The following GRID2 variants were observed in gnomAD, a reference collection of about 807,000 sequenced individuals.
GRID2 encodes the protein glutamate receptor ionotropic, delta-2.
Under a neutral mutation model 114.8 loss-of-function variants are expected in GRID2, and 33 were observed. The ratio of observed to expected loss-of-function variants is 0.29; its 90% confidence interval spans 0.22 to 0.38. The LOEUF (loss-of-function observed/expected upper bound fraction) is 0.38. Ranked by LOEUF, GRID2 falls within the 10% of genes least tolerant of loss-of-function variation. The pLI, the probability that GRID2 is intolerant of heterozygous loss-of-function variation, is 1.00. For missense variants in GRID2, 1,184 were observed against 1,257.7 expected, an observed-to-expected ratio of 0.94 and a Z score of 0.89; for synonymous variants, 505 against 449.9, an observed-to-expected ratio of 1.12 and a Z score of -1.55.
chr4:93,079,991 T>C (rs1387014568), intron 2 of GRID2, among the ~76,000 whole-genome samples: 1 of 152,158 alleles, frequency 6.6e-6, no homozygotes, highest in African/African-American at 2.4e-5. Flanking sequence ...TAACACTATT[T>C]ACATATTAAG....
intron 11 of GRID2, among the ~76,000 whole-genome samples, chr4:93,485,981 T>G (rs879930828): frequency 2.6e-5 from 4 of 151,732 alleles, no homozygotes; most frequent in South Asian, 2.1e-4. Context: ...GTATTAAGTC[T>G]CTCAATCAAT....
Position 93,490,628 on chromosome 4 carries a change from T to C in GRID2, c.1859-11T>C. 6.2e-7 allele frequency: 1 copy of C among 1,601,742 alleles called. No individual in the cohort carries two copies. Among genetic ancestry groups the C allele is most frequent in the Non-Finnish European group, 8.5e-7 (1 of 1,170,664 alleles). The stretch of plus-strand genomic sequence containing the variant: ...TTGATGTTCTTTTTATCTCTTTGCT[T>C]CTTTCTACAGGCGGGGAAGTCCCGT... On this transcript the variant is annotated splice_polypyrimidine_tract_variant and intron_variant, in intron 11 of 15. Transcript: ENST00000282020.
chr4:92,968,275 T>C (rs1424132438), intron 2 of GRID2, among the ~76,000 whole-genome samples: 1 of 151,894 alleles, frequency 6.6e-6, no homozygotes, highest in Non-Finnish European at 1.5e-5. Context: ...AAGTTATTAA[T>C]TTTATTAATT....
intron 1 of GRID2, among the ~76,000 whole-genome samples, chr4:92,330,552 G>A (rs963471381): frequency 3.9e-5 from 6 of 152,188 alleles, no homozygotes; most frequent in Non-Finnish European, 5.9e-5. Context: ...CAAGAAAGAA[G>A]AATGCTTAGA....
chr4:93,792,904 C>T (rs1364751882), intron 1 of GRID2, among the ~76,000 whole-genome samples: 1 of 152,198 alleles, frequency 6.6e-6, no homozygotes, highest in Admixed American at 6.5e-5. Context: ...CCTTTACCCA[C>T]TGCCACATCC....
intron 2 of GRID2, among the ~76,000 whole-genome samples, chr4:92,954,926 C>T (rs1437913574): frequency 7.4e-6 from 1 of 134,278 alleles, no homozygotes; most frequent in Non-Finnish European, 1.6e-5. Flanking sequence ...TCATCCATGT[C>T]CCTACAAAGG....
At chr4:93,327,201 A>G (rs4308339) in intron 8 of GRID2, among the ~76,000 whole-genome samples, 49,350 of 151,958 alleles carry the variant, frequency 0.32, 9,141 homozygotes, top group African/African-American at 0.51. Context: ...TTCAAGTTAG[A>G]CCTTTCCCTT....
intron 2 of GRID2, among the ~76,000 whole-genome samples, chr4:92,775,357 A>G (rs1209631602): frequency 6.6e-6 from 1 of 152,126 alleles, no homozygotes; most frequent in African/African-American, 2.4e-5. Context: ...AAAACAGCTG[A>G]CAAAAACAAA....
intron 4 of GRID2, among the ~76,000 whole-genome samples, chr4:93,172,867 G>T (rs1320213296): frequency 1.3e-5 from 2 of 151,396 alleles, no homozygotes; most frequent in African/African-American, 4.8e-5. Flanking sequence ...CTGATAATGA[G>T]ATTGAATATT....
At chr4:93,715,987 G>A (rs1728869741) in intron 14 of GRID2, among the ~76,000 whole-genome samples, 1 of 152,146 alleles carries the variant, frequency 6.6e-6, no homozygotes, top group South Asian at 2.1e-4. Context: ...AGGTGAGAGA[G>A]GGTATCCTTG....
At chr4:92,529,320 G>A (rs1725213858) in intron 1 of GRID2, among the ~76,000 whole-genome samples, 1 of 152,022 alleles carries the variant, frequency 6.6e-6, no homozygotes, top group East Asian at 1.9e-4. Context: ...AAATCGTTCA[G>A]CCACGTAATA....
At chr4:92,865,278 G>A (rs962651735) in intron 2 of GRID2, among the ~76,000 whole-genome samples, 3 of 152,148 alleles carry the variant, frequency 2.0e-5, no homozygotes, top group Non-Finnish European at 4.4e-5. Flanking sequence ...TGTTATAAAC[G>A]TGAATTCATC....
At chr4:92,502,566 A>G (rs187360281) in intron 1 of GRID2, among the ~76,000 whole-genome samples, 3 of 152,188 alleles carry the variant, frequency 2.0e-5, no homozygotes, top group African/African-American at 7.2e-5. Context: ...TATAGTTTTT[A>G]TGTAAGTGTT....
At chr4:92,503,291 T>C (rs538084416) in intron 1 of GRID2, among the ~76,000 whole-genome samples, 83 of 152,234 alleles carry the variant, frequency 5.5e-4, no homozygotes, top group African/African-American at 1.9e-3. Flanking sequence ...AGTTTCTCCT[T>C]TCTGTTTTCT....
intron 2 of GRID2, among the ~76,000 whole-genome samples, chr4:92,700,574 T>C (rs1333962630): frequency 1.3e-5 from 2 of 152,176 alleles, no homozygotes; most frequent in Non-Finnish European, 2.9e-5. Context: ...ATTAATTTAC[T>C]CAAAATGAGT....
rs147585252 is a variant in GRID2, at chr4:93,102,217, G to A, written c.530-8531G>A. ...ACTAGACATGTTGGCTCCTGCAATC[G>A]CAAAACTACTGCATTGGGACAACTT... On this transcript the variant is annotated intron_variant, in intron 3 of 15. Coordinates refer to ENST00000282020, the MANE Select transcript of GRID2 (RefSeq NM_001510.4). Among the ~76,000 whole-genome samples the A allele has an allele frequency of 5.9e-5, 9 of 152,148 alleles. No homozygotes were observed. In the East Asian group the frequency reaches 9.7e-4, roughly 16 times the overall value.
intron 1 of GRID2, among the ~76,000 whole-genome samples, chr4:92,466,545 A>C (rs1450432137): frequency 1.3e-5 from 2 of 151,872 alleles, no homozygotes; most frequent in African/African-American, 4.8e-5. Context: ...ATGTACTCAC[A>C]AAAGTTAAAA....
chr4:93,391,964 GAAATCAATAACCAGAAAATACTATAGA>G (rs1764898782), intron 8 of GRID2, among the ~76,000 whole-genome samples: 1 of 152,044 alleles, frequency 6.6e-6, no homozygotes, highest in Non-Finnish European at 1.5e-5. Flanking sequence ...AATACTATAG[GAAATCAATAACCAGAAAATACTATAGA>G]AAATCAATAT....
intron 1 of GRID2, among the ~76,000 whole-genome samples, chr4:92,526,381 T>G (rs1299924435): frequency 7.2e-5 from 11 of 152,166 alleles, no homozygotes; most frequent in Non-Finnish European, 1.6e-4. Flanking sequence ...TTTGCTATTG[T>G]TGCCCAGGCA....
Sources: gnomAD v4.1 joint callset for allele counts (sites outside exome capture counted in the v4.1 genomes callset) on GRCh38, gnomAD v4.1.1 for gene constraint, MANE v1.5 for transcripts, NCBI Gene and HGNC (gene_info 2026-07-23, HGNC 2026-07-21) for gene names.